SUGP2: variants seen among roughly 807,000 people sequenced by gnomAD.
SUGP2 encodes SURP and G-patch domain-containing protein 2.
In SUGP2, 24 loss-of-function variants were observed where a neutral mutation model predicts 90.5. The observed-to-expected ratio is 0.27, with a 90% CI of 0.19 to 0.37. The LOEUF is 0.37. Ranked by LOEUF, SUGP2 falls within the 10% of genes least tolerant of loss-of-function variation. SUGP2 has a pLI of 1.00. For synonymous variants in SUGP2, 473 were observed against 513.4 expected, an observed-to-expected ratio of 0.92 and a Z score of 1.06; for missense variants, 1,233 against 1,363.3, an observed-to-expected ratio of 0.90 and a Z score of 1.51.
At chr19:19,021,978 CTTTTTTTCT>C (rs968142567) in intron 3 of SUGP2, among the ~76,000 whole-genome samples, 67 of 151,994 alleles carry the variant, frequency 4.4e-4, no homozygotes, top group Admixed American at 1.0e-3. Flanking sequence ...TCCAGCACTT[CTTTTTTTCT>C]TTTTTTTCTT....
Position 18,992,057 on chromosome 19 carries a change from CT to C in SUGP2, c.*1683del, listed in dbSNP as rs766777133. On this transcript the variant is annotated 3_prime_UTR_variant, in exon 11 of 11. Transcript: ENST00000452918. The stretch of plus-strand genomic sequence containing the variant: ...GTGGCTTAAAGAAAGCCAGGATTTC[CT>C]TTTTTTTTTTTGAGACAGAGTCTCG... 191 of 145,238 alleles carry C rather than the reference CT, an allele frequency of 1.3e-3. No individual in the cohort carries two copies. The highest frequency in any genetic ancestry group is 1.7e-3 in the South Asian group (8 of 4,578). 9.0% of individuals were successfully genotyped at this position (145,238 alleles called of 1,614,324 possible). A position where few individuals can be genotyped will look rare whatever the true frequency, so the allele number is the denominator to read the frequency against.
chr19:19,024,720 T>G lies in SUGP2; in HGVS notation c.1628A>C (p.Gln543Pro). 2 of 1,614,216 alleles carry G rather than the reference T, an allele frequency of 1.2e-6. No individual in the cohort carries two copies. The highest frequency in any genetic ancestry group is 1.7e-6 in the Non-Finnish European group (2 of 1,180,048). ...AWLVSSGCPL[Q>P]VKKAEPEPMR... ...CGGCTCTGGTTCGGCTTTCTTAACC[T>G]GGAGGGGACATCCGCTGCTGACTAG... Residue 543 changes from glutamine to proline, a missense_variant, in exon 3 of 11, where the codon CAG becomes CCG. This residue lies in a region of SUGP2 where 540 missense variants were observed against 542.6 expected (regional missense o/e 1.00). Transcript: ENST00000452918.
intron 9 of SUGP2, chr19:18,994,709 G>A (rs2057503424): frequency 5.1e-6 from 3 of 589,324 alleles, no homozygotes; most frequent in South Asian, 4.2e-5. Flanking sequence ...TGGTTACCTC[G>A]GAATGCCTTA....
intron 2 of SUGP2, among the ~76,000 whole-genome samples, chr19:19,028,767 C>T (rs1215456594): frequency 6.6e-6 from 1 of 152,002 alleles, no homozygotes; most frequent in Admixed American, 6.5e-5. Context: ...GGTGCGATCT[C>T]GGCTCACTGC....
At chr19:19,022,954 G>A (rs1227928564) in intron 3 of SUGP2, among the ~76,000 whole-genome samples, 4 of 152,198 alleles carry the variant, frequency 2.6e-5, no homozygotes, top group Admixed American at 2.6e-4. Flanking sequence ...CAAGAGTTAA[G>A]ACAGCATGAT....
At chr19:18,994,571 T>C in intron 9 of SUGP2, 85 bp from the exon 10 acceptor site, 11 of 1,540,680 alleles carry the variant, frequency 7.1e-6, no homozygotes, top group South Asian at 1.2e-5. Context: ...AAACAGTCCA[T>C]GAGATGCAGG....
In SUGP2 at chr19:19,008,522, C is replaced by T. The variant is rs2058176513; in HGVS notation, c.2339-94G>A. 61 of 944,222 alleles carry T rather than the reference C, an allele frequency of 6.5e-5. No homozygotes were observed. In the South Asian group the frequency reaches 7.3e-4, roughly 11 times the overall value. The allele number at this position is 944,222 out of a possible 1,614,324, so 58.5% of individuals were successfully genotyped here. On this transcript the variant is annotated intron_variant, in intron 5 of 10. Transcript: ENST00000452918. ...TTGTGGAGGCTGATTATAAAGATGGCCTGCATGTCCCCTCCCTGTAGCCTT... is the reference window on the plus strand; with the variant it reads ...TTGTGGAGGCTGATTATAAAGATGGTCTGCATGTCCCCTCCCTGTAGCCTT...
chr19:19,029,899 C>T (rs1343905188), intron 2 of SUGP2, among the ~76,000 whole-genome samples: 5 of 151,640 alleles, frequency 3.3e-5, no homozygotes, highest in South Asian at 4.2e-4. Context: ...GCCAAAATCA[C>T]GTCACTGCAC....
rs752186250 is a variant in SUGP2, at chr19:19,004,557, G to A, written c.2540C>T (p.Pro847Leu). ...LCPSICFTSS[P>L]HNLHTGGGDT... ...ACCACCACCAGTGTGAAGGTTGTGC[G>A]GAGATGACGTGAAACAAATTGATGG... The change falls in exon 7 of 11, where the codon CCG becomes CTG. Residue 847 changes from proline to leucine, a missense_variant. Physicochemically the swap from Pro to Leu is moderately conservative, Grantham distance 98. Coordinates refer to ENST00000452918, the MANE Select transcript of SUGP2 (RefSeq NM_001017392.5). 23 of 1,614,102 alleles carry A rather than the reference G, an allele frequency of 1.4e-5. No individual in the cohort carries two copies. The highest frequency in any genetic ancestry group is 5.5e-5 in the South Asian group (5 of 91,084).
At chr19:19,024,569 C>T (rs369463884) in intron 3 of SUGP2, 50 bp downstream of exon 3, 148 of 1,546,426 alleles carry the variant, frequency 9.6e-5, no homozygotes, top group Non-Finnish European at 1.2e-4. Flanking sequence ...AAAGACATTA[C>T]CAAAGAAACA....
chr19:19,001,710 T>G, intron 7 of SUGP2, 36 bp from the exon 8 acceptor site: 1 of 1,606,656 alleles, frequency 6.2e-7, no homozygotes, highest in Non-Finnish European at 8.5e-7. Flanking sequence ...TACACATACA[T>G]GTGCTTTTCC....
intron 4 of SUGP2, among the ~76,000 whole-genome samples, chr19:19,010,596 C>T (rs1164001847): frequency 2.6e-5 from 4 of 152,140 alleles, no homozygotes. Flanking sequence ...TGAGGGAGCT[C>T]CCAGCTCTTG....
Position 18,994,419 on chromosome 19 carries a change from C to T in SUGP2, c.3196G>A (p.Val1066Met), listed in dbSNP as rs1467249541. The T allele has an allele frequency of 6.2e-7, 1 of 1,614,100 alleles. No individual in the cohort carries two copies. Among genetic ancestry groups the T allele is most frequent in the African/African-American group, 1.3e-5 (1 of 74,938 alleles). ...ATCTGCATCATCCTCTGTCGGAACA[C>T]ATCGAATGTGTCTTCTTTGTGCTCC... ...GQEHKEDTFD[V>M]FRQRMMQMYR... The change falls in exon 10 of 11, where the codon GTG (valine) becomes ATG (methionine). Residue 1066 changes from valine to methionine, a missense_variant. By Grantham distance (21) the Val-to-Met change is conservative. Around this residue, in one of 8 missense-constraint regions of SUGP2, gnomAD observed 53 missense variants for 55.3 expected, o/e 0.96. Transcript: ENST00000452918.
At chr19:19,033,608 C>T (rs1280981276), upstream of SUGP2, 17 of 1,179,738 alleles carry the variant, frequency 1.4e-5, no homozygotes, top group African/African-American at 2.1e-4. Context: ...CCGCCGCGGC[C>T]CGGCTCTCTT....
intron 10 of SUGP2, 21 bp downstream of exon 10, chr19:18,994,345 C>A: frequency 1.2e-6 from 2 of 1,612,864 alleles, no homozygotes; most frequent in Non-Finnish European, 1.7e-6. Flanking sequence ...GACGGCCTTA[C>A]ACACTGGCCT....
chr19:18,995,941 GAGAC>G (rs1304516799), intron 8 of SUGP2, among the ~76,000 whole-genome samples: 1 of 152,112 alleles, frequency 6.6e-6, no homozygotes, highest in East Asian at 1.9e-4. Context: ...TGGAGATCTG[GAGAC>G]AGACAGGGCC....
intron 6 of SUGP2, among the ~76,000 whole-genome samples, chr19:19,006,057 C>T (rs891163139): frequency 1.3e-5 from 2 of 151,838 alleles, no homozygotes; most frequent in South Asian, 2.1e-4. Flanking sequence ...GGTGAAACCC[C>T]GTCTCTACTA....
chr19:19,012,933 G>A (rs765416081), intron 4 of SUGP2, among the ~76,000 whole-genome samples: 2 of 151,758 alleles, frequency 1.3e-5, no homozygotes, highest in Non-Finnish European at 2.9e-5. Context: ...GCGCAATCTC[G>A]GATCACTGCA....
intron 4 of SUGP2, among the ~76,000 whole-genome samples, chr19:19,012,092 C>T (rs1046253263): frequency 6.6e-6 from 1 of 152,202 alleles, no homozygotes; most frequent in Non-Finnish European, 1.5e-5. Context: ...ATGTCCCTGG[C>T]AGGCAGCTCC....
Sources: allele counts gnomAD v4.1 joint callset (sites outside exome capture counted in the v4.1 genomes callset), GRCh38; gene constraint gnomAD v4.1.1; regional missense constraint gnomAD v4.1.1; transcripts MANE v1.5; gene names NCBI Gene and HGNC (gene_info 2026-07-23, HGNC 2026-07-21).